The following NPHP4 variants were observed in gnomAD, a reference collection of about 807,000 sequenced individuals.
NPHP4 encodes nephrocystin-4.
NPHP4 carries 151 observed loss-of-function variants against 155.8 expected under a neutral mutation model. The ratio of observed to expected loss-of-function variants is 0.97; its 90% confidence interval spans 0.85 to 1.11. The LOEUF (loss-of-function observed/expected upper bound fraction) is 1.11. Ranked by LOEUF, NPHP4 falls within the 50% of genes least tolerant of loss-of-function variation. The probability of loss-of-function intolerance (pLI) is 0.00; values close to 1 mark genes in which losing one functional copy is unlikely to be tolerated. For synonymous variants in NPHP4, 845 were observed against 816.8 expected (o/e 1.03, Z -0.59); for missense variants, 1,956 against 1,925.7 (o/e 1.02, Z -0.29).
chr1:5,875,783 C>G (rs1642533567), intron 20 of NPHP4, among the ~76,000 whole-genome samples: 1 of 152,254 alleles, frequency 6.6e-6, no homozygotes, highest in Admixed American at 6.5e-5. Flanking sequence ...GGGAGTCAGC[C>G]AGCCTGCAGC....
chr1:5,898,891 C>A (rs574968282), intron 16 of NPHP4, among the ~76,000 whole-genome samples: 21 of 152,234 alleles, frequency 1.4e-4, no homozygotes, highest in African/African-American at 4.8e-4. Flanking sequence ...GGCAGGGGAC[C>A]TGAACACATG....
Position 5,905,889 on chromosome 1 carries a change from G to A in NPHP4, c.1612-106C>T, listed in dbSNP as rs922927549. On this transcript the variant is annotated intron_variant, in intron 13 of 29. Coordinates refer to ENST00000378156, the MANE Select transcript of NPHP4 (RefSeq NM_015102.5). The surrounding 1 kb of genome is among the most constrained non-coding windows in gnomAD (Gnocchi z 4.0). ...TTCATCGATTAATTGCCTCTGGAGG[G>A]TTGCCAGCTCTAGCAAATACAAAAG... 7.5e-6 allele frequency: 8 copies of A among 1,061,254 alleles called. No individual in the cohort carries two copies. The Admixed American group carries it at 1.9e-4, about 25-fold the overall frequency. 65.7% of individuals were successfully genotyped at this position (1,061,254 alleles called of 1,614,324 possible).
chr1:5,968,975 C>T (rs1652040194), intron 4 of NPHP4, 112 bp downstream of exon 4: 3 of 659,584 alleles, frequency 4.5e-6, no homozygotes, highest in South Asian at 2.4e-5. Context: ...TGCAGTGAGC[C>T]GACATTACAC....
intron 3 of NPHP4, among the ~76,000 whole-genome samples, chr1:5,976,562 C>CT (rs1396646091): frequency 6.6e-6 from 1 of 152,258 alleles, no homozygotes; most frequent in African/African-American, 2.4e-5. Context: ...AAACAGCACT[C>CT]TAAGGGTTCA....
At chr1:5,920,929 C>T (rs942408708) in intron 11 of NPHP4, among the ~76,000 whole-genome samples, 1 of 152,126 alleles carries the variant, frequency 6.6e-6, no homozygotes, top group African/African-American at 2.4e-5. Flanking sequence ...GCCTTCCTAA[C>T]CCAAAGGCCA....
At chr1:5,986,637 T>C (rs1478560357) in intron 1 of NPHP4, among the ~76,000 whole-genome samples, 1 of 152,182 alleles carries the variant, frequency 6.6e-6, no homozygotes, top group Admixed American at 6.5e-5. Flanking sequence ...GGGGTCAACA[T>C]GGGATGATTC....
intron 11 of NPHP4, among the ~76,000 whole-genome samples, chr1:5,915,137 G>A (rs957402785): frequency 6.6e-6 from 1 of 152,238 alleles, no homozygotes; most frequent in Admixed American, 6.5e-5. Context: ...AGGAGGGAGA[G>A]GGGGCAGCAC....
chr1:5,966,891 G>A (rs1424466074), intron 5 of NPHP4, among the ~76,000 whole-genome samples: 1 of 152,192 alleles, frequency 6.6e-6, no homozygotes, highest in African/African-American at 2.4e-5. Context: ...GAAGCTCCCC[G>A]CCGACCCCTG....
intron 16 of NPHP4, among the ~76,000 whole-genome samples, chr1:5,893,175 C>T (rs1644223245): frequency 6.6e-6 from 1 of 152,154 alleles, no homozygotes; most frequent in East Asian, 1.9e-4. Flanking sequence ...TGGGGACCAG[C>T]CTCACAGGGT....
chr1:5,917,443 G>A (rs192181713), intron 11 of NPHP4, among the ~76,000 whole-genome samples: 3 of 152,220 alleles, frequency 2.0e-5, no homozygotes, highest in Admixed American at 1.3e-4. Context: ...GGAGAGAGAC[G>A]AACAGATGGA....
intron 16 of NPHP4, among the ~76,000 whole-genome samples, chr1:5,896,875 T>C (rs1336938615): frequency 1.3e-5 from 2 of 151,936 alleles, no homozygotes; most frequent in African/African-American, 4.8e-5. Flanking sequence ...TCAGAGCCGG[T>C]GAAAGGCCGG....
intron 16 of NPHP4, among the ~76,000 whole-genome samples, chr1:5,894,432 AG>A: frequency 6.6e-6 from 1 of 151,632 alleles, no homozygotes; most frequent in African/African-American, 2.4e-5. Flanking sequence ...CCTGGGCTAC[AG>A]AGCAAGACCC....
At chr1:5,880,066 CCACCACT>C (rs1643109290) in intron 19 of NPHP4, 41 bp downstream of exon 19, 3 of 1,608,062 alleles carry the variant, frequency 1.9e-6, no homozygotes, top group Non-Finnish European at 2.6e-6. Flanking sequence ...CACCTCTCAC[CCACCACT>C]CACGACCCAC....
At chr1:5,863,771 C>G in intron 29 of NPHP4, 119 bp downstream of exon 29, 1 of 1,141,024 alleles carries the variant, frequency 8.8e-7, no homozygotes, top group Non-Finnish European at 1.3e-6. Flanking sequence ...TGTCACCGCC[C>G]TGGGGCTTTT....
At chr1:5,865,957 T>A in intron 26 of NPHP4, 2 of 216,400 alleles carry the variant, frequency 9.2e-6, no homozygotes, top group Non-Finnish European at 1.9e-5. Flanking sequence ...AGGGGCCGGG[T>A]CATTTAGCCT....
intron 17 of NPHP4, chr1:5,888,728 C>T (rs536847008): frequency 1.9e-5 from 13 of 698,786 alleles, no homozygotes; most frequent in East Asian, 1.2e-4. Flanking sequence ...TGGCCACTGG[C>T]GACTGGTTTA....
chr1:5,929,328 T>C (rs1408147076), intron 10 of NPHP4, among the ~76,000 whole-genome samples: 2 of 152,208 alleles, frequency 1.3e-5, no homozygotes, highest in African/African-American at 2.4e-5. Context: ...TCCAGTGCAA[T>C]ACTGAACATG....
rs748991363 is a variant in NPHP4 at position 5,864,521 on chromosome 1, C to G, written c.3817-4G>C. 7.1e-6 allele frequency: 11 copies of G among 1,550,208 alleles called. No individual in the cohort carries two copies. Among genetic ancestry groups the G allele is most frequent in the Non-Finnish European group, 9.6e-6 (11 of 1,143,722 alleles). ...CGAAGACACCTTTGGGGTCTGTCTTCAAGAGCGAGAGAGGCGGGTCAGAGC... is the reference window on the plus strand; with the variant it reads ...CGAAGACACCTTTGGGGTCTGTCTTGAAGAGCGAGAGAGGCGGGTCAGAGC... On this transcript the variant is annotated splice_polypyrimidine_tract_variant and splice_region_variant and intron_variant, in intron 27 of 29. Coordinates refer to ENST00000378156, the MANE Select transcript of NPHP4 (RefSeq NM_015102.5).
At chr1:5,986,760 C>A (rs1392732644) in intron 1 of NPHP4, among the ~76,000 whole-genome samples, 1 of 152,054 alleles carries the variant, frequency 6.6e-6, no homozygotes, top group Non-Finnish European at 1.5e-5. Context: ...CCCACCCCTA[C>A]CCCCGTGGGC....
Sources: gnomAD v4.1 joint callset for allele counts (sites outside exome capture counted in the v4.1 genomes callset) on GRCh38, gnomAD v4.1.1 for gene constraint, Gnocchi (gnomAD v3.1) non-coding constraint, MANE v1.5 for transcripts, NCBI Gene and HGNC (gene_info 2026-07-23, HGNC 2026-07-21) for gene names.